DNAH17: variants seen among roughly 807,000 people sequenced by gnomAD.
DNAH17 encodes the protein dynein axonemal heavy chain 17.
DNAH17 carries 376 observed loss-of-function variants against 485.6 expected under a neutral mutation model. That is an observed-to-expected ratio of 0.77 (90% CI 0.71 to 0.84). DNAH17 has a LOEUF of 0.84. DNAH17 is among the 40% of genes least tolerant of loss of function. The pLI is 0.00. For missense variants in DNAH17, 6,370 were observed against 5,839.3 expected, an observed-to-expected ratio of 1.09 and a Z score of -2.96; for synonymous variants, 3,031 against 2,405.9, an observed-to-expected ratio of 1.26 and a Z score of -7.60.
rs541475284 is a variant in DNAH17 at position 78,445,747 on chromosome 17, C to T, written c.11212-67G>A. The T allele has an allele frequency of 4.0e-5, 61 of 1,530,054 alleles. No homozygotes were observed. In the East Asian group the frequency reaches 5.6e-4, roughly 14 times the overall value. The allele number at this position is 1,530,054 out of a possible 1,614,324, so 94.8% of individuals were successfully genotyped here. A position where few individuals can be genotyped will look rare whatever the true frequency, so the allele number is the denominator to read the frequency against. ...AAACGTCAGCAGCCCTGAAGATGCG[C>T]GCTGGACTCGAAGAGGAGTTCACAC... On this transcript the variant is annotated intron_variant, in intron 69 of 80. Coordinates refer to ENST00000389840, the MANE Select transcript of DNAH17 (RefSeq NM_173628.4).
At chr17:78,437,422 T>C (rs1339915774) in intron 74 of DNAH17, among the ~76,000 whole-genome samples, 1 of 152,262 alleles carries the variant, frequency 6.6e-6, no homozygotes, top group Non-Finnish European at 1.5e-5. Context: ...TCTACAGCTT[T>C]AAGTAATAAA....
intron 11 of DNAH17, among the ~76,000 whole-genome samples, chr17:78,562,573 G>C (rs2092180084): frequency 6.6e-6 from 1 of 151,960 alleles, no homozygotes; most frequent in African/African-American, 2.4e-5. Flanking sequence ...AGTGAGCCAA[G>C]ATTGCACCAC....
At chr17:78,481,096 C>G (rs577847749) in intron 48 of DNAH17, among the ~76,000 whole-genome samples, 360 of 144,684 alleles carry the variant, frequency 2.5e-3, no homozygotes, top group Non-Finnish European at 4.3e-3. Flanking sequence ...CGCCCGCCCC[C>G]CATCCCCCGG....
At chr17:78,537,134 C>T (rs532227778) in intron 19 of DNAH17, among the ~76,000 whole-genome samples, 165 bp downstream of exon 19, 10 of 147,356 alleles carry the variant, frequency 6.8e-5, no homozygotes, top group South Asian at 6.5e-4. Flanking sequence ...GCCAAGATCG[C>T]GCCACTGCAC....
intron 67 of DNAH17, 111 bp from the exon 68 acceptor site, chr17:78,450,505 C>A: frequency 6.7e-7 from 1 of 1,486,018 alleles, no homozygotes; most frequent in Non-Finnish European, 9.1e-7. Flanking sequence ...CCCAAGGGCT[C>A]TCAGCAGCAG....
intron 16 of DNAH17, among the ~76,000 whole-genome samples, chr17:78,545,691 A>C (rs2091741474): frequency 6.6e-6 from 1 of 152,200 alleles, no homozygotes; most frequent in African/African-American, 2.4e-5. Flanking sequence ...AGTCCATGGC[A>C]GTATAATAAT....
intron 9 of DNAH17, among the ~76,000 whole-genome samples, chr17:78,568,603 T>C (rs1412517926): frequency 6.6e-6 from 1 of 152,178 alleles, no homozygotes; most frequent in Non-Finnish European, 1.5e-5. Flanking sequence ...AGCTTTTTTT[T>C]GAAACAGGGT....
rs778024178 is a variant in DNAH17, at chr17:78,450,339, C to T, written c.10955G>A (p.Arg3652His). 86 of 1,614,004 alleles carry T rather than the reference C, an allele frequency of 5.3e-5. No homozygotes were observed. Among genetic ancestry groups the T allele is most frequent in the Admixed American group, 1.0e-4 (6 of 60,014 alleles). ...CAGAGATGCCCTCTCCGCAGCCGGG[C>T]GGTAGTTCTCTCTCGCTTCGTTGAT... ...VKINEARENYRPAAERASLLY... is the reference protein window; with the variant it reads ...VKINEARENYHPAAERASLLY... The change falls in exon 68 of 81, where the codon CGC becomes CAC. Residue 3652 changes from arginine (R) to histidine (H), a missense_variant. Coordinates refer to ENST00000389840, the MANE Select transcript of DNAH17 (RefSeq NM_173628.4).
chr17:78,486,455 G>A lies in DNAH17; in HGVS notation c.6870C>T (p.Asn2290=). 6.2e-7 allele frequency: 1 copy of A among 1,613,472 alleles called. No individual in the cohort carries two copies. Among genetic ancestry groups the A allele is most frequent in the Non-Finnish European group, 8.5e-7 (1 of 1,179,846 alleles). The change falls in exon 45 of 81, where the codon AAC becomes AAT. Residue 2290 remains asparagine (N), a synonymous_variant. Coordinates refer to ENST00000389840, the MANE Select transcript of DNAH17 (RefSeq NM_173628.4). ...ERRKVQSEKA[N]LMILFDKYLP... ...GGTACTTGTCAAAGAGGATCATCAG[G>A]TTGGCCTTCTCCGACTGCACCTTGC...
At chr17:78,531,467 T>C (rs980210909) in intron 20 of DNAH17, among the ~76,000 whole-genome samples, 1 of 151,448 alleles carries the variant, frequency 6.6e-6, no homozygotes, top group Admixed American at 6.6e-5. Flanking sequence ...GCCTCCCGAG[T>C]AGCTGGAACT....
At chr17:78,550,650 C>T (rs965274975) in intron 16 of DNAH17, among the ~76,000 whole-genome samples, 6 of 152,150 alleles carry the variant, frequency 3.9e-5, no homozygotes, top group Non-Finnish European at 8.8e-5. Flanking sequence ...ACACCTTAAC[C>T]TTGGCCTTCC....
At position 78,571,638 on chromosome 17, in the gene DNAH17, G is replaced by GA; in HGVS notation, c.683dup (p.Glu229ArgfsTer15). 5.0e-6 allele frequency: 8 copies of GA among 1,613,968 alleles called. No homozygotes were observed. The highest frequency in any genetic ancestry group is 6.8e-6 in the Non-Finnish European group (8 of 1,179,904). On this transcript the variant is annotated frameshift_variant, in exon 4 of 81. Coordinates refer to ENST00000389840, the MANE Select transcript of DNAH17 (RefSeq NM_173628.4). LOFTEE classifies it high-confidence loss of function. The stretch of plus-strand genomic sequence containing the variant: ...TCAGCAGCCGAGTGTCCCAGAACTC[G>GA]AACTCCACTTGGGGCAGGGGGTGCA...
rs767867704 is a variant in DNAH17 at position 78,494,747 on chromosome 17, G to A, written c.6116C>T (p.Pro2039Leu). Residue 2039 changes from proline to leucine, a missense_variant, in exon 40 of 81, where the codon CCC becomes CTC. By Grantham distance (98) the Pro-to-Leu change is moderately conservative. Coordinates refer to ENST00000389840, the MANE Select transcript of DNAH17 (RefSeq NM_173628.4). ...VVAGSLKRGD[P>L]SRAEDQVLMR... ...GAGCACCTGGTCCTCTGCCCGGCTG[G>A]GGTCGCCCCTCTTCAGGGAGCCGGC... 3.1e-6 allele frequency: 5 copies of A among 1,613,676 alleles called. No homozygotes were observed. The Admixed American group carries it at 6.7e-5, about 22-fold the overall frequency.
Position 78,525,104 on chromosome 17 carries a change from C to A in DNAH17, c.3769G>T (p.Gly1257Cys), listed in dbSNP as rs367868816. 1.2e-5 allele frequency: 20 copies of A among 1,613,818 alleles called. No homozygotes were observed. In the Middle Eastern group the frequency reaches 4.9e-4, roughly 40 times the overall value. The change falls in exon 25 of 81, where the codon GGC becomes TGC. Residue 1257 changes from glycine to cysteine, a missense_variant. Gly to Cys is a radical substitution (Grantham distance 159). Transcript: ENST00000389840. ...TCTGGGACGGGGACCTCGAACAGGCCCCCGGACTTGGACAGCGCCTCCATG... is the reference window on the plus strand; with the variant it reads ...TCTGGGACGGGGACCTCGAACAGGCACCCGGACTTGGACAGCGCCTCCATG... The part of the protein sequence containing the change: ...GIMEALSKSG[G>C]LFEVPVPDYK...
At chr17:78,571,931 G>C (rs1007124352) in intron 3 of DNAH17, 149 bp from the exon 4 acceptor site, 7 of 719,330 alleles carry the variant, frequency 9.7e-6, no homozygotes, top group Non-Finnish European at 1.6e-5. Flanking sequence ...CAGCCACCTC[G>C]GGGACGCTAA....
intron 15 of DNAH17, among the ~76,000 whole-genome samples, chr17:78,552,229 A>G (rs1265885835): frequency 2.0e-5 from 3 of 152,204 alleles, no homozygotes; most frequent in Non-Finnish European, 4.4e-5. Context: ...TGGGAGCATC[A>G]GAGATGGGGC....
At chr17:78,454,060 C>T (rs2087675726) in intron 64 of DNAH17, among the ~76,000 whole-genome samples, 1 of 152,092 alleles carries the variant, frequency 6.6e-6, no homozygotes, top group South Asian at 2.1e-4. Flanking sequence ...TTTTCATATC[C>T]ACCCGCCATT....
chr17:78,425,277 G>A (rs2086390732), intron 80 of DNAH17, 69 bp downstream of exon 80: 1 of 1,448,374 alleles, frequency 6.9e-7, no homozygotes, highest in African/African-American at 1.5e-5. Flanking sequence ...CCAAGAGCTA[G>A]TTTTATCTTG....
rs1177524449 is a variant in DNAH17 at position 78,479,618 on chromosome 17, C to T, written c.7767G>A (p.Val2589=). ...CCTGGCCGGGGAAGCTCACAGCAAA[C>T]ACGCAGAAATGGCGCTACCCCAAAA... ...IDSRLQRHFC[V]FAVSFPGQEA... is the part of the protein sequence containing the mutation. The change falls in exon 50 of 81, where the codon GTG becomes GTA. Residue 2589 remains valine, a synonymous_variant. Transcript: ENST00000389840. 12 of 1,613,256 alleles carry T rather than the reference C, an allele frequency of 7.4e-6. No homozygotes were observed. The highest frequency in any genetic ancestry group is 1.0e-5 in the Non-Finnish European group (12 of 1,179,784).
Sources: gnomAD v4.1 joint callset for allele counts (sites outside exome capture counted in the v4.1 genomes callset) on GRCh38, gnomAD v4.1.1 for gene constraint, MANE v1.5 for transcripts, NCBI Gene and HGNC (gene_info 2026-07-23, HGNC 2026-07-21) for gene names.